The following CDH13 variants were observed in gnomAD, a reference collection of about 807,000 sequenced individuals.
CDH13 encodes the protein cadherin-13.
In CDH13, 24 loss-of-function variants were observed where a neutral mutation model predicts 63.8. That is an observed-to-expected ratio of 0.38 (90% CI 0.27 to 0.53). The LOEUF is 0.53. CDH13 is among the 20% of genes least tolerant of loss of function. CDH13 has a pLI of 0.85. For missense variants in CDH13, 1,049 were observed against 903.1 expected (o/e 1.16, Z -2.07); for synonymous variants, 503 against 355.3 (o/e 1.42, Z -4.67).
intron 7 of CDH13, among the ~76,000 whole-genome samples, chr16:83,589,304 C>T (rs1694308582): frequency 7.8e-6 from 1 of 128,678 alleles, no homozygotes; most frequent in Non-Finnish European, 1.7e-5. Flanking sequence ...CTCTCCCTCC[C>T]TTCTTCCCCT....
intron 3 of CDH13, among the ~76,000 whole-genome samples, chr16:83,061,012 G>A (rs1374330368): frequency 6.6e-6 from 1 of 152,130 alleles, no homozygotes; most frequent in Non-Finnish European, 1.5e-5. Flanking sequence ...GCACATAGTG[G>A]GTGCTTAATA....
intron 2 of CDH13, among the ~76,000 whole-genome samples, chr16:82,969,478 C>CTTTTTTT (rs10652088): frequency 7.6e-6 from 1 of 131,184 alleles, no homozygotes; most frequent in Non-Finnish European, 1.6e-5. Flanking sequence ...TCTGCATATT[C>CTTTTTTT]TTTTTTTTTT....
chr16:83,239,738 C>T (rs1009269694), intron 5 of CDH13, among the ~76,000 whole-genome samples: 5 of 152,158 alleles, frequency 3.3e-5, no homozygotes, highest in South Asian at 2.1e-4. Context: ...AATCACTATT[C>T]AAGGCACTCA....
At chr16:83,104,500 T>C (rs1206177263) in intron 3 of CDH13, among the ~76,000 whole-genome samples, 3 of 152,050 alleles carry the variant, frequency 2.0e-5, no homozygotes, top group East Asian at 3.9e-4. Flanking sequence ...AGAGAAATTA[T>C]TGTTTAAGTA....
intron 2 of CDH13, among the ~76,000 whole-genome samples, chr16:82,869,841 A>G (rs1412922617): frequency 1.3e-5 from 2 of 152,232 alleles, no homozygotes; most frequent in Non-Finnish European, 2.9e-5. Context: ...AAAATGAATT[A>G]AAGACTTAAA....
chr16:82,963,453 C>A (rs1001147420), intron 2 of CDH13, among the ~76,000 whole-genome samples: 2 of 152,128 alleles, frequency 1.3e-5, no homozygotes, highest in African/African-American at 4.8e-5. Context: ...CTTACATGAT[C>A]CCTGTCCCCT....
intron 2 of CDH13, among the ~76,000 whole-genome samples, chr16:82,905,225 T>C (rs1000352875): frequency 1.3e-5 from 2 of 152,170 alleles, no homozygotes; most frequent in African/African-American, 4.8e-5. Context: ...ATCATCTCTC[T>C]CTAGATGGAC....
intron 7 of CDH13, among the ~76,000 whole-genome samples, chr16:83,558,237 T>C (rs1412537839): frequency 2.0e-5 from 3 of 152,188 alleles, no homozygotes; most frequent in Non-Finnish European, 1.5e-5. Flanking sequence ...CATTGTTTAT[T>C]GGGATGTTCG....
intron 1 of CDH13, among the ~76,000 whole-genome samples, chr16:82,747,993 A>C (rs1364533310): frequency 6.6e-6 from 1 of 152,226 alleles, no homozygotes. Flanking sequence ...AACTTGAGGA[A>C]GTAGATTCCA....
intron 8 of CDH13, among the ~76,000 whole-genome samples, chr16:83,670,459 T>C (rs955353556): frequency 6.6e-6 from 1 of 152,290 alleles, no homozygotes; most frequent in Admixed American, 6.5e-5. Context: ...CCTGGGGTTT[T>C]GTGGTCCTCT....
intron 5 of CDH13, among the ~76,000 whole-genome samples, chr16:83,308,162 T>A (rs1356818177): frequency 1.3e-5 from 2 of 152,196 alleles, no homozygotes. Context: ...CAATATATTT[T>A]TTTTGTTGTT....
chr16:83,298,089 A>C (rs1012376153), intron 5 of CDH13, among the ~76,000 whole-genome samples: 1 of 151,618 alleles, frequency 6.6e-6, no homozygotes, highest in Non-Finnish European at 1.5e-5. Flanking sequence ...AAAAAGAAAA[A>C]AAAATTAGCC....
At chr16:82,931,108 T>C (rs2042476041) in intron 2 of CDH13, among the ~76,000 whole-genome samples, 1 of 152,216 alleles carries the variant, frequency 6.6e-6, no homozygotes, top group Non-Finnish European at 1.5e-5. Flanking sequence ...TGCAAAGAGA[T>C]GCTGTGATTA....
At chr16:82,655,098 A>T (rs998313271) in intron 1 of CDH13, among the ~76,000 whole-genome samples, 20 of 152,316 alleles carry the variant, frequency 1.3e-4, no homozygotes, top group African/African-American at 4.6e-4. Context: ...CCATTGTATC[A>T]GGGGATTCAT....
Position 82,966,861 on chromosome 16 carries a change from C to T in CDH13, c.158-65149C>T, listed in dbSNP as rs183377749. ...TTTTCTCTCTCATAGAATCACAGAA[C>T]AATGATCAAATCAGCAAATTAACGC... On this transcript the variant is annotated intron_variant, in intron 2 of 13. Transcript: ENST00000567109. 2.7e-3 allele frequency among the ~76,000 whole-genome samples: 414 copies of T among 152,202 alleles called. 2 individuals carry two copies. Among genetic ancestry groups the T allele is most frequent in the African/African-American group, 9.1e-3 (380 of 41,538 alleles).
intron 1 of CDH13, among the ~76,000 whole-genome samples, chr16:82,842,224 A>T (rs1181268856): frequency 6.7e-6 from 1 of 149,000 alleles, no homozygotes; most frequent in Non-Finnish European, 1.5e-5. Context: ...CTTCTCAAAA[A>T]TTCTTGCCTT....
At chr16:82,704,034 A>G (rs1290467784) in intron 1 of CDH13, among the ~76,000 whole-genome samples, 1 of 152,178 alleles carries the variant, frequency 6.6e-6, no homozygotes, top group African/African-American at 2.4e-5. Context: ...CCTTTGCAAC[A>G]GTACCAAATA....
At chr16:83,362,988 G>C (rs2091191221) in intron 6 of CDH13, among the ~76,000 whole-genome samples, 1 of 152,198 alleles carries the variant, frequency 6.6e-6, no homozygotes. Flanking sequence ...GCATGAGACA[G>C]TCCGGCTATG....
At chr16:82,912,973 A>G (rs1420423283) in intron 2 of CDH13, among the ~76,000 whole-genome samples, 3 of 151,990 alleles carry the variant, frequency 2.0e-5, no homozygotes, top group African/African-American at 7.2e-5. Context: ...GTGCTTCAAA[A>G]TTGTGTCTTT....
Sources: gnomAD v4.1 joint callset for allele counts (sites outside exome capture counted in the v4.1 genomes callset) on GRCh38, gnomAD v4.1.1 for gene constraint, MANE v1.5 for transcripts, NCBI Gene and HGNC (gene_info 2026-07-23, HGNC 2026-07-21) for gene names.